Variants in ZNF91 observed in about 807,000 individuals in gnomAD.
The protein encoded by ZNF91 is zinc finger protein 91.
ZNF91 carries 7 observed loss-of-function variants against 12.6 expected under a neutral mutation model. The ratio of observed to expected loss-of-function variants is 0.55; its 90% CI spans 0.31 to 1.04. The LOEUF is 1.04. Among genes scored for constraint, ZNF91 ranks in the 50% least tolerant of loss-of-function variants. The pLI is 0.05. For synonymous variants in ZNF91, 453 were observed against 462.6 expected (o/e 0.98, Z 0.27); for missense variants, 1,217 against 1,385.4 (o/e 0.88, Z 1.93).
At chr19:23,385,036 A>C (rs1331004588) in intron 1 of ZNF91, 1 of 1,211,850 alleles carries the variant, frequency 8.3e-7, no homozygotes, top group East Asian at 2.3e-5. Flanking sequence ...CCAGGGAGAC[A>C]CCTCATGGGG....
At chr19:23,369,300 A>G (rs1263835176) in intron 3 of ZNF91, among the ~76,000 whole-genome samples, 1 of 150,908 alleles carries the variant, frequency 6.6e-6, no homozygotes, top group Non-Finnish European at 1.5e-5. Flanking sequence ...ACAGAGCAAG[A>G]ATTTGTCTCA....
At chr19:23,371,188 A>T (rs1372629524) in intron 3 of ZNF91, among the ~76,000 whole-genome samples, 2 of 152,064 alleles carry the variant, frequency 1.3e-5, no homozygotes, top group African/African-American at 2.4e-5. Context: ...CTAAAAGAAA[A>T]ATACAAAATT....
In ZNF91 at chr19:23,386,748, C is replaced by A. The variant is rs1032356167; in HGVS notation, c.30+8577G>T. On this transcript the variant is annotated intron_variant, in intron 1 of 3. Transcript: ENST00000300619. ...ATACCATTCTAGACACAGAAACTGG[C>A]AGAGATTTCATGATGAAAATACCAA... Among the ~76,000 whole-genome samples, 138 of 152,210 alleles carry A rather than the reference C, an allele frequency of 9.1e-4. 1 individual carries two copies. Among genetic ancestry groups the A allele is most frequent in the African/African-American group, 3.3e-3 (135 of 41,532 alleles).
At chr19:23,345,045 A>G (rs931799685) in intron 3 of ZNF91, among the ~76,000 whole-genome samples, 1 of 152,204 alleles carries the variant, frequency 6.6e-6, no homozygotes, top group African/African-American at 2.4e-5. Flanking sequence ...TGCTCTCTCC[A>G]GTCCAAAAAT....
chr19:23,322,661 TTTCC>T lies in ZNF91; in HGVS notation n.117-13568_117-13565del, dbSNP rs1292412410. ...TAACTTTTTTCTCCTCCTCCTCCTT[TTTCC>T]TCCTTTCCATCTCCTCCATTCCTTT... On this transcript the variant is annotated intron_variant and non_coding_transcript_variant, in intron 1 of 1. Coordinates refer to the ZNF91 transcript ENST00000596528. 2.7e-4 allele frequency among the ~76,000 whole-genome samples: 39 copies of T among 145,604 alleles called. No individual in the cohort carries two copies. The East Asian group carries it at 7.3e-3, about 27-fold the overall frequency.
chr19:23,366,354 G>A (rs1225676610), intron 3 of ZNF91, among the ~76,000 whole-genome samples: 3 of 152,160 alleles, frequency 2.0e-5, no homozygotes, highest in Non-Finnish European at 4.4e-5. Context: ...ATCTTCTATA[G>A]AATATTTAAA....
intron 2 of ZNF91, 23 bp downstream of exon 2, chr19:23,374,615 C>T (rs755880471): frequency 7.5e-7 from 1 of 1,338,814 alleles, no homozygotes; most frequent in South Asian, 1.2e-5. Flanking sequence ...ATATTAGAAA[C>T]TTAGTATTAA....
In ZNF91 at chr19:23,360,418, T is replaced by C; in HGVS notation, c.2561A>G (p.Tyr854Cys). ...HKIIHAGEKL[Y>C]KCEECGKAFN... ...AGCTTTGCCACATTCCTCACATTTG[T>C]AGAGTTTCTCTCCAGCATGTATTAT... is the stretch of plus-strand genomic sequence containing the variant. Residue 854 changes from tyrosine (Y) to cysteine (C), a missense_variant, in exon 4 of 4, where the codon TAC becomes TGC. Around this residue, in one of 2 missense-constraint regions of ZNF91, gnomAD observed 491 missense variants for 489.8 expected, o/e 1.00. Transcript: ENST00000300619. The C allele has an allele frequency of 3.7e-6, 6 of 1,614,132 alleles. No individual in the cohort carries two copies. The highest frequency in any genetic ancestry group is 4.2e-6 in the Non-Finnish European group (5 of 1,180,000).
intron 1 of ZNF91, chr19:23,384,964 G>A (rs937844393): frequency 2.5e-5 from 24 of 955,986 alleles, no homozygotes; most frequent in East Asian, 7.2e-5. Flanking sequence ...GCTTAGCTGC[G>A]AGCCCGTCAT....
chr19:23,355,619 A>AGGTT (rs1216032470), downstream of ZNF91, among the ~76,000 whole-genome samples: 1 of 152,240 alleles, frequency 6.6e-6, no homozygotes, highest in Non-Finnish European at 1.5e-5. Flanking sequence ...TAGTTAAACT[A>AGGTT]AAGAGTTTTT....
chr19:23,349,313 G>A lies in ZNF91; in HGVS notation c.254-10259C>T, dbSNP rs1008320717. On this transcript the variant is annotated intron_variant, in intron 3 of 3. Coordinates refer to the ZNF91 transcript ENST00000599743. ...CATCATGGTCCTACCAATATGTGAT[G>A]GCATCCCTGGAGGCCCAGCTGTAAA... is the stretch of plus-strand genomic sequence containing the variant. Among the ~76,000 whole-genome samples the A allele has an allele frequency of 5.9e-5, 9 of 152,056 alleles. No homozygotes were observed. In the East Asian group the frequency reaches 1.7e-3, roughly 30 times the overall value.
At position 23,359,335 on chromosome 19, in the gene ZNF91, G is replaced by A; in HGVS notation, c.*68C>T. 2 of 594,372 alleles carry A rather than the reference G, an allele frequency of 3.4e-6. No homozygotes were observed. Among genetic ancestry groups the A allele is most frequent in the South Asian group, 4.0e-5 (2 of 49,900 alleles). 36.8% of individuals were successfully genotyped at this position (594,372 alleles called of 1,614,324 possible). A position where few individuals can be genotyped will look rare whatever the true frequency, so the allele number is the denominator to read the frequency against. On this transcript the variant is annotated 3_prime_UTR_variant, in exon 4 of 4. Transcript: ENST00000300619. ...CCTCCCGGGTTCACGCCATTCTCCT[G>A]CCTCAGCCTCTCGCATAGCTGGGAC...
chr19:23,365,009 AC>A (rs1968945906), intron 3 of ZNF91, among the ~76,000 whole-genome samples: 1 of 152,188 alleles, frequency 6.6e-6, no homozygotes, highest in African/African-American at 2.4e-5. Context: ...ACAAAAATAT[AC>A]AATTGCAAAA....
chr19:23,333,196 T>C (rs1383902060), intron 1 of ZNF91, among the ~76,000 whole-genome samples: 4 of 152,218 alleles, frequency 2.6e-5, no homozygotes, highest in Non-Finnish European at 5.9e-5. Context: ...TTTCAAACTG[T>C]ACACTCATAA....
At chr19:23,380,759 C>A (rs1018190906) in intron 1 of ZNF91, 2 of 152,156 alleles carry the variant, frequency 1.3e-5, no homozygotes, top group Admixed American at 1.3e-4. Flanking sequence ...AGAAAGGGCA[C>A]ATTATCAGCA....
At chr19:23,371,758 G>T (rs1162219898) in intron 3 of ZNF91, among the ~76,000 whole-genome samples, 1 of 152,050 alleles carries the variant, frequency 6.6e-6, no homozygotes, top group Non-Finnish European at 1.5e-5. Flanking sequence ...TAAATTACTG[G>T]TATCTATTGT....
chr19:23,391,175 GCT>G (rs1194327331), intron 1 of ZNF91, among the ~76,000 whole-genome samples: 4 of 151,806 alleles, frequency 2.6e-5, no homozygotes, highest in African/African-American at 9.7e-5. Flanking sequence ...CTATTTTTTT[GCT>G]CTCTTTTCTT....
At position 23,359,630 on chromosome 19, in the gene ZNF91, C is replaced by G. The variant is rs747866797; in HGVS notation, c.3349G>C (p.Glu1117Gln). The G allele has an allele frequency of 9.3e-6, 15 of 1,611,918 alleles. No individual in the cohort carries two copies. Among genetic ancestry groups the G allele is most frequent in the Non-Finnish European group, 1.3e-5 (15 of 1,179,260 alleles). The stretch of plus-strand genomic sequence containing the variant: ...TTATGTTTAGTAAGAGCTGAGGACT[C>G]TTTAAAGGCTTTGCCACATTCTCCA... The part of the protein sequence containing the change: ...KCGECGKAFK[E>Q]SSALTKHKII... The change falls in exon 4 of 4, where the codon GAG (glutamate) becomes CAG (glutamine). Residue 1117 changes from glutamate to glutamine, a missense_variant. Physicochemically the swap from Glu to Gln is conservative, Grantham distance 29. Coordinates refer to ENST00000300619, the MANE Select transcript of ZNF91 (RefSeq NM_003430.4).
At chr19:23,355,266 T>C (rs560187706), downstream of ZNF91, among the ~76,000 whole-genome samples, 4 of 152,142 alleles carry the variant, frequency 2.6e-5, no homozygotes, top group South Asian at 2.1e-4. Flanking sequence ...AATAGGCACA[T>C]AGACCAATGG....
Sources: allele counts gnomAD v4.1 joint callset (sites outside exome capture counted in the v4.1 genomes callset), GRCh38; gene constraint gnomAD v4.1.1; regional missense constraint gnomAD v4.1.1; transcripts MANE v1.5; gene names NCBI Gene and HGNC (gene_info 2026-07-23, HGNC 2026-07-21).